TTLL7: variants seen among roughly 807,000 people sequenced by gnomAD.
The protein encoded by TTLL7 is tubulin tyrosine ligase like 7.
A neutral mutation model predicts 120.2 loss-of-function variants in TTLL7; 53 were observed. The observed-to-expected ratio is 0.44, with a 90% confidence interval of 0.35 to 0.55. TTLL7 has a LOEUF of 0.55. Among genes scored for constraint, TTLL7 ranks in the 20% least tolerant of loss-of-function variants. TTLL7 has a pLI of 0.00. For missense variants in TTLL7, 803 were observed against 1,054.7 expected (o/e 0.76, Z 3.31); for synonymous variants, 353 against 351.7 (o/e 1.00, Z -0.04).
Position 83,923,514 on chromosome 1 carries a change from A to G in TTLL7, c.1143-2120T>C, listed in dbSNP as rs375405102. On this transcript the variant is annotated intron_variant, in intron 10 of 20. Transcript: ENST00000260505. ...CAGCAAACAAAACACTCATAGACAA[A>G]GATACTTATACACAAACAGTTTGAA... is the stretch of plus-strand genomic sequence containing the variant. Among the ~76,000 whole-genome samples, 65 of 152,244 alleles carry G rather than the reference A, an allele frequency of 4.3e-4. 1 individual carries two copies. In the South Asian group the frequency reaches 0.013, roughly 30 times the overall value.
At position 83,992,183 on chromosome 1, in the gene TTLL7, T is replaced by C. The variant is rs142402331; in HGVS notation, c.-177+6748A>G. Among the ~76,000 whole-genome samples the C allele has an allele frequency of 2.4e-3, 360 of 152,250 alleles. 1 individual carries two copies. Among genetic ancestry groups the C allele is most frequent in the Middle Eastern group, 0.01 (3 of 294 alleles). On this transcript the variant is annotated intron_variant, in intron 1 of 20. Coordinates refer to ENST00000260505, the MANE Select transcript of TTLL7 (RefSeq NM_024686.6). The stretch of plus-strand genomic sequence containing the variant: ...GATTTTTGACAAGGCTTTTTGCACA[T>C]ATATATATACAGCTCACTTAATTTT...
chr1:83,966,524 T>C (rs1650476381), intron 1 of TTLL7, among the ~76,000 whole-genome samples: 1 of 152,070 alleles, frequency 6.6e-6, no homozygotes, highest in Non-Finnish European at 1.5e-5. Context: ...AAGAAGGTTC[T>C]GGAGGAAATG....
chr1:83,890,191 T>C, intron 19 of TTLL7, 130 bp downstream of exon 19: 1 of 859,102 alleles, frequency 1.2e-6, no homozygotes, highest in South Asian at 1.8e-5. Context: ...TATAGTTGAG[T>C]ACTAAACATT....
chr1:83,878,053 C>A (rs777729551), intron 20 of TTLL7, among the ~76,000 whole-genome samples: 3 of 151,632 alleles, frequency 2.0e-5, no homozygotes, highest in Non-Finnish European at 4.4e-5. Flanking sequence ...TTTCTTATGT[C>A]CATTATAATC....
intron 1 of TTLL7, among the ~76,000 whole-genome samples, chr1:83,981,856 T>A (rs34155960): frequency 6.6e-6 from 1 of 150,592 alleles, no homozygotes; most frequent in Non-Finnish European, 1.5e-5. Flanking sequence ...ATCAACGAAG[T>A]TAGCTGGGGA....
rs1201559686 is a variant in TTLL7, at chr1:83,948,802, G to T, written c.280-107C>A. The T allele has an allele frequency of 7.2e-6, 5 of 691,850 alleles. No homozygotes were observed. The Admixed American group carries it at 1.3e-4, about 18-fold the overall frequency. The allele number at this position is 691,850 out of a possible 1,614,324, so 42.9% of individuals were successfully genotyped here. ...TTTGAGTTTTATGTTTTAATAAACT[G>T]CCAATTATTAATCTAAAAGATTTAA... On this transcript the variant is annotated intron_variant, in intron 4 of 20. Transcript: ENST00000260505.
chr1:83,906,551 T>G (rs1452505184), intron 16 of TTLL7, 88 bp from the exon 17 acceptor site: 2 of 1,573,902 alleles, frequency 1.3e-6, no homozygotes, highest in Non-Finnish European at 8.7e-7. Flanking sequence ...GTAAAAATGA[T>G]GCACTTTTAA....
intron 4 of TTLL7, 109 bp from the exon 5 acceptor site, chr1:83,948,804 C>T: frequency 1.5e-6 from 1 of 671,784 alleles, no homozygotes; most frequent in Non-Finnish European, 2.5e-6. Context: ...AATAAACTGC[C>T]AATTATTAAT....
At chr1:83,995,159 A>G (rs1439164698) in intron 1 of TTLL7, among the ~76,000 whole-genome samples, 1 of 152,084 alleles carries the variant, frequency 6.6e-6, no homozygotes, top group African/African-American at 2.4e-5. Flanking sequence ...AAAGACTATA[A>G]TCTGAGGAGC....
At chr1:83,900,542 G>A (rs186448148) in intron 18 of TTLL7, among the ~76,000 whole-genome samples, 9 of 151,922 alleles carry the variant, frequency 5.9e-5, no homozygotes, top group Non-Finnish European at 1.0e-4. Flanking sequence ...AAGGACAGCC[G>A]AAGCAAGGTC....
chr1:83,876,468 G>A (rs769791493), intron 20 of TTLL7, among the ~76,000 whole-genome samples: 23 of 151,358 alleles, frequency 1.5e-4, no homozygotes, highest in Non-Finnish European at 2.8e-4. Flanking sequence ...TCTTCTCCCC[G>A]CCAAAAATAA....
intron 18 of TTLL7, among the ~76,000 whole-genome samples, chr1:83,892,952 A>AAGAAAAAGAAAGAAAGAAAGAAAG (rs143741135): frequency 2.1e-4 from 27 of 129,058 alleles, no homozygotes; most frequent in African/African-American, 5.4e-4. Context: ...GAAAGAAAGA[A>AAGAAAAAGAAAGAAAGAAAGAAAG]AAGAATAAAA....
intron 20 of TTLL7, among the ~76,000 whole-genome samples, chr1:83,880,895 A>G (rs1286275000): frequency 1.3e-5 from 2 of 152,082 alleles, no homozygotes; most frequent in African/African-American, 4.8e-5. Context: ...AAACAGAGAT[A>G]TAGATCAATG....
chr1:83,883,247 C>T (rs1571044675), intron 19 of TTLL7, 111 bp from the exon 20 acceptor site: 1 of 774,112 alleles, frequency 1.3e-6, no homozygotes, highest in Non-Finnish European at 2.0e-6. Context: ...TGGTCTCATA[C>T]ATTTGCAATA....
At chr1:83,939,146 G>T (rs1363898175) in intron 7 of TTLL7, among the ~76,000 whole-genome samples, 1 of 152,050 alleles carries the variant, frequency 6.6e-6, no homozygotes, top group Non-Finnish European at 1.5e-5. Flanking sequence ...ATAAACAACA[G>T]TCTCTATCCT....
chr1:83,987,696 G>A (rs1467962292), intron 1 of TTLL7, among the ~76,000 whole-genome samples: 4 of 152,008 alleles, frequency 2.6e-5, no homozygotes, highest in African/African-American at 9.7e-5. Flanking sequence ...AAACAAATGG[G>A]TCTAAATCAA....
At chr1:83,899,462 T>C (rs879469224) in intron 18 of TTLL7, among the ~76,000 whole-genome samples, 5 of 151,976 alleles carry the variant, frequency 3.3e-5, no homozygotes, top group African/African-American at 4.8e-5. Flanking sequence ...ATTGGGCATC[T>C]TTGCAAGATA....
Position 83,982,319 on chromosome 1 carries a change from G to A in TTLL7, c.-177+16612C>T, listed in dbSNP as rs555737815. On this transcript the variant is annotated intron_variant, in intron 1 of 20. Transcript: ENST00000260505. ...ACCTAAATGCTTACATTAGAAAAGA[G>A]AAACACTCTCAAATTAATAATCTAA... 1.4e-4 allele frequency among the ~76,000 whole-genome samples: 22 copies of A among 151,862 alleles called. No homozygotes were observed. In the South Asian group the frequency reaches 3.7e-3, roughly 26 times the overall value.
intron 12 of TTLL7, among the ~76,000 whole-genome samples, 175 bp downstream of exon 12, chr1:83,920,912 C>A (rs902257337): frequency 6.6e-6 from 1 of 152,008 alleles, no homozygotes; most frequent in African/African-American, 2.4e-5. Flanking sequence ...GGAGCGCTGT[C>A]AAGGCTGAAC....
Sources: gnomAD v4.1 joint callset for allele counts (sites outside exome capture counted in the v4.1 genomes callset) on GRCh38, gnomAD v4.1.1 for gene constraint, MANE v1.5 for transcripts, NCBI Gene and HGNC (gene_info 2026-07-23, HGNC 2026-07-21) for gene names.